TRIM14: variants seen among roughly 807,000 people sequenced by gnomAD.
The protein encoded by TRIM14 is tripartite motif containing 14, also known as tripartite motif-containing protein 14.
In TRIM14, 28 loss-of-function variants were observed where a neutral mutation model predicts 44.5. The observed-to-expected ratio is 0.63, with a 90% confidence interval of 0.47 to 0.86. The LOEUF (loss-of-function observed/expected upper bound fraction) is 0.86, where lower values mean the gene tolerates loss of function less well. Among genes scored for constraint, TRIM14 ranks in the 40% least tolerant of loss-of-function variants. The probability of loss-of-function intolerance (pLI) is 0.00; values close to 1 mark genes in which losing one functional copy is unlikely to be tolerated. For synonymous variants in TRIM14, 299 were observed against 269.2 expected (o/e 1.11, Z -1.08); for missense variants, 607 against 611.1 (o/e 0.99, Z 0.07).
chr9:98,061,566 G>A, the TRIM14 span, among the ~76,000 whole-genome samples: 1 of 150,936 alleles, frequency 6.6e-6, no homozygotes, highest in Non-Finnish European at 1.5e-5. Context: ...CAGGTCACGA[G>A]GTCAAGAGAT....
At position 98,087,688 on chromosome 9, in the gene TRIM14, A is replaced by AGCG; in HGVS notation, c.1110_1111insCGC (p.Glu370_Tyr371insArg). On this transcript the variant is annotated inframe_insertion, in exon 6 of 6. Coordinates refer to ENST00000341469, the MANE Select transcript of TRIM14 (RefSeq NM_014788.4). ...CGCTGGCCGTCGTGGAAGGCCCAGT[A>AGCG]CTCAAGGTCGTAGCGCTTGAGGCAC... 6.2e-7 allele frequency: 1 copy of AGCG among 1,601,170 alleles called. No individual in the cohort carries two copies. Among genetic ancestry groups the AGCG allele is most frequent in the Non-Finnish European group, 8.5e-7 (1 of 1,178,594 alleles).
chr9:98,084,014 G>A (rs894953259), downstream of TRIM14, among the ~76,000 whole-genome samples: 5 of 152,220 alleles, frequency 3.3e-5, no homozygotes, highest in Non-Finnish European at 5.9e-5. Context: ...AGAAGGCTGC[G>A]TAAGGAATAA....
chr9:98,109,196 G>A (rs1826742340), intron 2 of TRIM14, among the ~76,000 whole-genome samples: 1 of 151,940 alleles, frequency 6.6e-6, no homozygotes, highest in Middle Eastern at 3.2e-3. Context: ...CCCCAGGAGG[G>A]CCTCCCACCC....
At chr9:98,055,831 G>A in the TRIM14 span, among the ~76,000 whole-genome samples, 5 of 151,926 alleles carry the variant, frequency 3.3e-5, no homozygotes, top group Admixed American at 2.6e-4. Context: ...TCCACCTCCC[G>A]GGTTCAAGCG....
At chr9:98,060,768 A>G in the TRIM14 span, 4 of 1,612,832 alleles carry the variant, frequency 2.5e-6, no homozygotes, top group East Asian at 4.5e-5. Context: ...AAGATGTCCT[A>G]ATGTGTGTTG....
downstream of TRIM14, among the ~76,000 whole-genome samples, chr9:98,067,305 A>G (rs182023477): frequency 2.0e-5 from 3 of 152,230 alleles, no homozygotes; most frequent in East Asian, 1.9e-4. Context: ...TGGTAACTCT[A>G]TGTTTAACTT....
chr9:98,065,072 A>G (rs1272224467), downstream of TRIM14, among the ~76,000 whole-genome samples: 1 of 152,206 alleles, frequency 6.6e-6, no homozygotes, highest in Non-Finnish European at 1.5e-5. Context: ...AATTCAGTTC[A>G]AACTGGTGAC....
intron 2 of TRIM14, among the ~76,000 whole-genome samples, chr9:98,109,112 G>T (rs888496504): frequency 2.6e-5 from 4 of 151,988 alleles, no homozygotes; most frequent in African/African-American, 9.7e-5. Context: ...TCGAACTCCT[G>T]GGCTCAAGTG....
the TRIM14 span, among the ~76,000 whole-genome samples, chr9:98,049,455 T>A: frequency 4.2e-5 from 6 of 141,676 alleles, no homozygotes; most frequent in Non-Finnish European, 7.6e-5. Context: ...AAAGAAGGGG[T>A]GGGTTATTCA....
chr9:98,071,508 A>G (rs1235166040), intron 6 of TRIM14, among the ~76,000 whole-genome samples: 1 of 152,210 alleles, frequency 6.6e-6, no homozygotes, highest in African/African-American at 2.4e-5. Flanking sequence ...ATTAAATGTG[A>G]TCGTTAATAT....
At chr9:98,065,963 G>T (rs149450451), downstream of TRIM14, among the ~76,000 whole-genome samples, 19 of 152,258 alleles carry the variant, frequency 1.2e-4, no homozygotes, top group Admixed American at 1.2e-3. Flanking sequence ...TCCAATTACA[G>T]CTTACAGCCT....
the TRIM14 span, among the ~76,000 whole-genome samples, chr9:98,050,723 T>C: frequency 6.6e-6 from 1 of 152,114 alleles, no homozygotes; most frequent in Non-Finnish European, 1.5e-5. Flanking sequence ...GTTACCATCA[T>C]TTTGGGTTTC....
At chr9:98,110,927 G>C (rs1277763867) in intron 1 of TRIM14, among the ~76,000 whole-genome samples, 1 of 145,512 alleles carries the variant, frequency 6.9e-6, no homozygotes, top group Non-Finnish European at 1.5e-5. Context: ...TGCACCTGTA[G>C]TCCTAACTAC....
chr9:98,081,207 TC>T, downstream of TRIM14: 1 of 1,318,082 alleles, frequency 7.6e-7, no homozygotes. Flanking sequence ...GTGAATGTGC[TC>T]CCACCCGTGT....
At chr9:98,071,781 C>T (rs965863603) in intron 6 of TRIM14, among the ~76,000 whole-genome samples, 1 of 152,204 alleles carries the variant, frequency 6.6e-6, no homozygotes, top group Non-Finnish European at 1.5e-5. Context: ...GGGAAGATGT[C>T]ATCAAGGTGA....
downstream of TRIM14, chr9:98,081,338 C>A: frequency 1.9e-6 from 1 of 513,786 alleles, no homozygotes; most frequent in East Asian, 3.4e-5. Context: ...TTAGAGTCTT[C>A]CACTAATTCT....
At chr9:98,056,933 T>C in the TRIM14 span, 1 of 1,590,320 alleles carries the variant, frequency 6.3e-7, no homozygotes, top group Admixed American at 1.7e-5. Flanking sequence ...ATGATCCGCA[T>C]GGCCAAGGTG....
chr9:98,100,058 G>T lies in TRIM14; in HGVS notation c.410C>A (p.Thr137Lys), dbSNP rs753405523. 2 of 1,614,040 alleles carry T rather than the reference G, an allele frequency of 1.2e-6. No homozygotes were observed. Among genetic ancestry groups the T allele is most frequent in the Admixed American group, 1.7e-5 (1 of 60,004 alleles). Residue 137 changes from threonine (T) to lysine (K), a missense_variant, in exon 3 of 6, where the codon ACG becomes AAG. This residue lies in a region of TRIM14 where 246 missense variants were observed against 270.8 expected (regional missense o/e 0.91). Transcript: ENST00000341469. ...ALAKKFIDKN[T>K]QLTLQVYREQ... ...CCTGTACACCTGGAGGGTAAGCTGC[G>T]TGTTTTTATCAATGAATTTCTTGGC...
At chr9:98,079,307 TTAAAAC>T (rs940016846) in intron 6 of TRIM14, among the ~76,000 whole-genome samples, 8 of 152,226 alleles carry the variant, frequency 5.3e-5, no homozygotes, top group Admixed American at 2.6e-4. Flanking sequence ...GTAATTATCA[TTAAAAC>T]TATTATAGTA....
Sources: gnomAD v4.1 joint callset for allele counts (sites outside exome capture counted in the v4.1 genomes callset) on GRCh38, gnomAD v4.1.1 for gene constraint, gnomAD v4.1.1 regional missense constraint, MANE v1.5 for transcripts, NCBI Gene and HGNC (gene_info 2026-07-23, HGNC 2026-07-21) for gene names.